MAP2K1: variants seen among roughly 807,000 people sequenced by gnomAD.
MAP2K1 encodes the protein dual specificity mitogen-activated protein kinase kinase 1.
Under a neutral mutation model 46.3 loss-of-function variants are expected in MAP2K1, and 16 were observed. That is an observed-to-expected ratio of 0.35 (90% confidence interval 0.23 to 0.52). MAP2K1 has a LOEUF of 0.52. MAP2K1 is among the 20% of genes least tolerant of loss of function. MAP2K1 has a pLI of 0.94. For missense variants in MAP2K1, 263 were observed against 497.1 expected (o/e 0.53, Z 4.48); for synonymous variants, 183 against 185.6 (o/e 0.99, Z 0.11).
chr15:66,400,199 T>C (rs567452908), intron 1 of MAP2K1, among the ~76,000 whole-genome samples: 2 of 152,220 alleles, frequency 1.3e-5, no homozygotes, highest in East Asian at 3.9e-4. Context: ...TTTTCTTTTC[T>C]TTTCATTTAA....
intron 5 of MAP2K1, among the ~76,000 whole-genome samples, chr15:66,467,087 T>C (rs936198557): frequency 1.3e-5 from 2 of 151,948 alleles, no homozygotes; most frequent in African/African-American, 4.8e-5. Flanking sequence ...TACAAGAAAT[T>C]AGTCTGGGTG....
At position 66,487,175 on chromosome 15, in the gene MAP2K1, T is replaced by C. The variant is rs1893061075; in HGVS notation, c.896-53T>C. 6 of 1,515,876 alleles carry C rather than the reference T, an allele frequency of 4.0e-6. No homozygotes were observed. In the South Asian group the frequency reaches 6.7e-5, roughly 17 times the overall value. 93.9% of individuals were successfully genotyped at this position (1,515,876 alleles called of 1,614,324 possible). A position where few individuals can be genotyped will look rare whatever the true frequency, so the allele number is the denominator to read the frequency against. The stretch of plus-strand genomic sequence containing the variant: ...TCCATGCCCAACCCCTTGCCTCATA[T>C]TAACAAGTAATCTGTTTCTGAGAAG... On this transcript the variant is annotated intron_variant, in intron 7 of 10. Transcript: ENST00000307102.
chr15:66,466,394 C>G (rs769068144), intron 5 of MAP2K1, among the ~76,000 whole-genome samples: 10 of 152,060 alleles, frequency 6.6e-5, no homozygotes, highest in Non-Finnish European at 1.2e-4. Flanking sequence ...ATTGTTAAAA[C>G]CTGGCTGGGC....
chr15:66,417,442 C>T (rs1289888590), intron 1 of MAP2K1, among the ~76,000 whole-genome samples: 1 of 151,970 alleles, frequency 6.6e-6, no homozygotes, highest in Non-Finnish European at 1.5e-5. Flanking sequence ...CATGGTGGCA[C>T]GTGCCTGTAG....
intron 5 of MAP2K1, among the ~76,000 whole-genome samples, chr15:66,478,413 T>TACAC (rs1253426683): frequency 8.0e-6 from 1 of 124,410 alleles, no homozygotes; most frequent in East Asian, 2.0e-4. Flanking sequence ...TATATATATA[T>TACAC]ACACACAGGT....
intron 7 of MAP2K1, among the ~76,000 whole-genome samples, chr15:66,486,074 A>T (rs1893032591): frequency 6.6e-6 from 1 of 151,462 alleles, no homozygotes; most frequent in Admixed American, 6.6e-5. Flanking sequence ...AATTTTTTTA[A>T]TTTTTTTGTA....
At chr15:66,392,234 A>G (rs1170942684) in intron 1 of MAP2K1, among the ~76,000 whole-genome samples, 2 of 109,968 alleles carry the variant, frequency 1.8e-5, no homozygotes, top group African/African-American at 7.7e-5. Context: ...AGAACCACGA[A>G]TATTTGTGTG....
intron 1 of MAP2K1, among the ~76,000 whole-genome samples, chr15:66,422,596 G>T (rs1401624205): frequency 7.9e-5 from 12 of 152,138 alleles, no homozygotes; most frequent in Non-Finnish European, 1.6e-4. Context: ...GGAAAAAAAT[G>T]AACGTATATG....
intron 5 of MAP2K1, chr15:66,446,391 AC>A: frequency 6.4e-6 from 1 of 155,392 alleles, no homozygotes; most frequent in Non-Finnish European, 1.4e-5. Context: ...GCGAGCAGAG[AC>A]TGCGCACCAC....
intron 8 of MAP2K1, 169 bp from the exon 9 acceptor site, chr15:66,489,046 G>A (rs1454127257): frequency 3.0e-6 from 2 of 672,366 alleles, no homozygotes; most frequent in Non-Finnish European, 5.4e-6. Context: ...AGGCAGCACT[G>A]GCCTTCTACC....
At position 66,436,907 on chromosome 15, in the gene MAP2K1, C is replaced by T. The variant is rs1170337728; in HGVS notation, c.438+15C>T. 2 of 1,613,920 alleles carry T rather than the reference C, an allele frequency of 1.2e-6. No homozygotes were observed. Among genetic ancestry groups the T allele is most frequent in the Non-Finnish European group, 8.5e-7 (1 of 1,179,920 alleles). On this transcript the variant is annotated intron_variant, in intron 3 of 10. Coordinates refer to ENST00000307102, the MANE Select transcript of MAP2K1 (RefSeq NM_002755.4). Reference sequence around the variant, plus strand: ...TGGAGCACATGGTATGTGACACCCTCTCAGCCTCTGGAGCAATGGCCTTAA... The same window carrying T: ...TGGAGCACATGGTATGTGACACCCTTTCAGCCTCTGGAGCAATGGCCTTAA...
rs2140511655 is a variant in MAP2K1 at position 66,387,378 on chromosome 15, C to T, written c.31C>T (p.Leu11=). Reference sequence around the variant, plus strand: ...CAAGAAGAAGCCGACGCCCATCCAGCTGAACCCGGCCCCCGACGGCTCTGC... The same window carrying T: ...CAAGAAGAAGCCGACGCCCATCCAGTTGAACCCGGCCCCCGACGGCTCTGC... MPKKKPTPIQ[L]NPAPDGSAVN... Residue 11 remains leucine, a synonymous_variant, in exon 1 of 11, where the codon CTG becomes TTG. Coordinates refer to ENST00000307102, the MANE Select transcript of MAP2K1 (RefSeq NM_002755.4). 1.3e-6 allele frequency: 2 copies of T among 1,566,666 alleles called. No homozygotes were observed. The highest frequency in any genetic ancestry group is 1.7e-6 in the Non-Finnish European group (2 of 1,154,940).
intron 1 of MAP2K1, among the ~76,000 whole-genome samples, chr15:66,388,089 T>C (rs1359450032): frequency 6.6e-6 from 1 of 152,216 alleles, no homozygotes; most frequent in Non-Finnish European, 1.5e-5. Flanking sequence ...TTCTCACTAA[T>C]GATTTCCTAG....
intron 1 of MAP2K1, among the ~76,000 whole-genome samples, chr15:66,411,850 T>C (rs2093412053): frequency 6.6e-6 from 1 of 152,188 alleles, no homozygotes; most frequent in Non-Finnish European, 1.5e-5. Context: ...CCATTCTCTG[T>C]CCAGGTGCTC....
chr15:66,396,618 T>C (rs990642009), intron 1 of MAP2K1, among the ~76,000 whole-genome samples: 3 of 152,122 alleles, frequency 2.0e-5, no homozygotes, highest in African/African-American at 7.2e-5. Flanking sequence ...ATCTCCAATG[T>C]GTGTAGTCTT....
chr15:66,410,967 G>A (rs1395683635), intron 1 of MAP2K1, among the ~76,000 whole-genome samples: 1 of 152,194 alleles, frequency 6.6e-6, no homozygotes, highest in Non-Finnish European at 1.5e-5. Flanking sequence ...CAGTAAAAGT[G>A]GAATGAATGA....
intron 6 of MAP2K1, among the ~76,000 whole-genome samples, chr15:66,484,443 C>A (rs1474253384): frequency 6.6e-6 from 1 of 152,152 alleles, no homozygotes; most frequent in Non-Finnish European, 1.5e-5. Context: ...CCACTGCGTC[C>A]CGGCCCAGCA....
intron 5 of MAP2K1, among the ~76,000 whole-genome samples, chr15:66,477,444 G>A (rs536017785): frequency 6.6e-6 from 1 of 152,310 alleles, no homozygotes. Context: ...AGCAATCATT[G>A]TCTATTCCTA....
At chr15:66,488,871 C>T (rs528050360) in intron 8 of MAP2K1, 3 of 382,208 alleles carry the variant, frequency 7.8e-6, no homozygotes, top group Admixed American at 7.6e-5. Flanking sequence ...TTGAAAGGGT[C>T]CCTGAGATCA....
Sources: allele counts gnomAD v4.1 joint callset (sites outside exome capture counted in the v4.1 genomes callset), GRCh38; gene constraint gnomAD v4.1.1; transcripts MANE v1.5; gene names NCBI Gene and HGNC (gene_info 2026-07-23, HGNC 2026-07-21).